GINS1: variants seen among roughly 807,000 people sequenced by gnomAD.
The protein encoded by GINS1 is GINS complex subunit 1.
Under a neutral mutation model 34.9 loss-of-function variants are expected in GINS1, and 26 were observed. The observed-to-expected ratio is 0.74, with a 90% CI of 0.55 to 1.03. GINS1 has a LOEUF of 1.03. GINS1 is among the 50% of genes least tolerant of loss of function. The pLI is 0.00. For missense variants in GINS1, 235 were observed against 237.9 expected (o/e 0.99, Z 0.08); for synonymous variants, 97 against 84.4 (o/e 1.15, Z -0.82).
chr20:25,427,790 C>CTT (rs1311505276), intron 5 of GINS1, among the ~76,000 whole-genome samples: 1 of 136,888 alleles, frequency 7.3e-6, no homozygotes, highest in Non-Finnish European at 1.6e-5. Flanking sequence ...TTGATAGTGT[C>CTT]TTTTTTTTTC....
chr20:25,419,105 G>A (rs1339980055), intron 4 of GINS1, among the ~76,000 whole-genome samples: 1 of 152,120 alleles, frequency 6.6e-6, no homozygotes, highest in Non-Finnish European at 1.5e-5. Flanking sequence ...AGGGAGAGAG[G>A]CCCACCAAAT....
chr20:25,428,535 C>G (rs976987816), intron 5 of GINS1, among the ~76,000 whole-genome samples: 4 of 150,814 alleles, frequency 2.7e-5, no homozygotes, highest in Admixed American at 6.7e-5. Context: ...TCCCGAGTAG[C>G]TGGGACCACA....
At chr20:25,431,732 G>A (rs774364283) in intron 5 of GINS1, among the ~76,000 whole-genome samples, 5 of 151,436 alleles carry the variant, frequency 3.3e-5, no homozygotes, top group African/African-American at 4.9e-5. Flanking sequence ...CACCACGCCC[G>A]GCTAATTTTT....
At chr20:25,428,321 A>AATT (rs2090404124) in intron 5 of GINS1, among the ~76,000 whole-genome samples, 1 of 148,806 alleles carries the variant, frequency 6.7e-6, no homozygotes, top group Non-Finnish European at 1.5e-5. Context: ...ATTTCAAGTT[A>AATT]ATTTTTGTAT....
chr20:25,410,461 T>C (rs1193395662), intron 1 of GINS1, among the ~76,000 whole-genome samples: 1 of 152,190 alleles, frequency 6.6e-6, no homozygotes, highest in East Asian at 1.9e-4. Flanking sequence ...TCCAGCAGCC[T>C]GGAACACTTA....
intron 5 of GINS1, among the ~76,000 whole-genome samples, chr20:25,435,286 A>G (rs2146216457): frequency 6.6e-6 from 1 of 152,220 alleles, no homozygotes; most frequent in South Asian, 2.1e-4. Flanking sequence ...TGACTTACTT[A>G]TCTTTTGCTG....
At chr20:25,437,599 A>G (rs1305888411) in intron 5 of GINS1, among the ~76,000 whole-genome samples, 1 of 152,134 alleles carries the variant, frequency 6.6e-6, no homozygotes, top group Admixed American at 6.5e-5. Flanking sequence ...GATGTTTCCT[A>G]CTCCACCATT....
Position 25,413,826 on chromosome 20 carries a change from G to C in GINS1, c.112G>C (p.Ala38Pro). The C allele has an allele frequency of 6.3e-7, 1 of 1,581,446 alleles. No individual in the cohort carries two copies. The change falls in exon 2 of 7, where the codon GCT becomes CCT. Residue 38 changes from alanine to proline, a missense_variant. Transcript: ENST00000262460. The part of the protein sequence containing the change: ...GLRQVLEEMK[A>P]LYEQNQSDVN... ...CAGACAAGTTCTGGAGGAGATGAAA[G>C]CTTTGTATGAACAAAACCAGTCTGA...
chr20:25,435,860 T>C (rs2090452331), intron 5 of GINS1, among the ~76,000 whole-genome samples: 1 of 142,842 alleles, frequency 7.0e-6, no homozygotes, highest in African/African-American at 2.6e-5. Context: ...TCACCCAGGC[T>C]GGAGTGCAGT....
intron 1 of GINS1, among the ~76,000 whole-genome samples, chr20:25,413,300 C>A (rs1421591552): frequency 6.6e-6 from 1 of 152,138 alleles, no homozygotes; most frequent in Non-Finnish European, 1.5e-5. Flanking sequence ...CCACCCGCCT[C>A]AGCCTTCCAA....
At position 25,448,269 on chromosome 20, in the gene GINS1, G is replaced by A. The variant is rs2090523812; in HGVS notation, c.*2278G>A. ...CATCTTAATAATATTGAGTCTTCTG[G>A]CCTATAAACAAGGTCTGTCTTCCTA... On this transcript the variant is annotated 3_prime_UTR_variant, in exon 7 of 7. Coordinates refer to ENST00000262460, the MANE Select transcript of GINS1 (RefSeq NM_021067.5). The A allele has an allele frequency of 6.6e-6, 1 of 152,162 alleles. No individual in the cohort carries two copies. The highest frequency in any genetic ancestry group is 2.1e-4 in the South Asian group (1 of 4,830). The allele number at this position is 152,162 out of a possible 1,614,324, so 9.4% of individuals were successfully genotyped here. A position where few individuals can be genotyped will look rare whatever the true frequency, so the allele number is the denominator to read the frequency against.
chr20:25,409,779 T>C (rs566493023), intron 1 of GINS1, among the ~76,000 whole-genome samples: 2 of 152,316 alleles, frequency 1.3e-5, no homozygotes, highest in East Asian at 3.9e-4. Flanking sequence ...GTTACCTCAT[T>C]TAAAAAGTTA....
intron 1 of GINS1, chr20:25,413,581 A>G (rs1245675417): frequency 1.8e-6 from 1 of 550,064 alleles, no homozygotes; most frequent in African/African-American, 1.9e-5. Context: ...ACAGGGCTAT[A>G]CCGTTTTACA....
At chr20:25,433,560 C>T (rs549196083) in intron 5 of GINS1, among the ~76,000 whole-genome samples, 1 of 152,120 alleles carries the variant, frequency 6.6e-6, no homozygotes, top group African/African-American at 2.4e-5. Flanking sequence ...AAAGTCTGTA[C>T]ATGTTCAGTA....
chr20:25,419,245 G>A (rs2090339573), intron 4 of GINS1, among the ~76,000 whole-genome samples: 1 of 151,856 alleles, frequency 6.6e-6, no homozygotes, highest in Non-Finnish European at 1.5e-5. Flanking sequence ...ATAGCACAGA[G>A]CTTAAGAAAG....
rs115803552 is a variant in GINS1, at chr20:25,436,400, T to A, written c.448-5302T>A. Among the ~76,000 whole-genome samples the A allele has an allele frequency of 6.5e-3, 992 of 152,332 alleles. 15 individuals carry two copies. The highest frequency in any genetic ancestry group is 0.023 in the African/African-American group (950 of 41,568). The stretch of plus-strand genomic sequence containing the variant: ...TCAAATTTAAGGAGTTTTCAGTTAC[T>A]ATTTCTTCAAAAATTCTCTCTGCCC... On this transcript the variant is annotated intron_variant, in intron 5 of 6. Coordinates refer to ENST00000262460, the MANE Select transcript of GINS1 (RefSeq NM_021067.5).
intron 1 of GINS1, among the ~76,000 whole-genome samples, chr20:25,409,182 A>T (rs536374310): frequency 6.6e-6 from 1 of 152,242 alleles, no homozygotes; most frequent in Non-Finnish European, 1.5e-5. Flanking sequence ...CTCACAGCCT[A>T]CATGAATTTG....
At chr20:25,412,645 C>T (rs570389734) in intron 1 of GINS1, among the ~76,000 whole-genome samples, 6 of 152,146 alleles carry the variant, frequency 3.9e-5, no homozygotes, top group South Asian at 2.1e-4. Context: ...TATCTTTGTT[C>T]GTCAATTTTA....
chr20:25,435,789 C>CAAAAAA (rs1491415398), intron 5 of GINS1, among the ~76,000 whole-genome samples: 13 of 67,390 alleles, frequency 1.9e-4, no homozygotes, highest in East Asian at 1.9e-3. Flanking sequence ...AAAAAAAAAA[C>CAAAAAA]CAACTTTTTG....
Sources: allele counts gnomAD v4.1 joint callset (sites outside exome capture counted in the v4.1 genomes callset), GRCh38; gene constraint gnomAD v4.1.1; transcripts MANE v1.5; gene names NCBI Gene and HGNC (gene_info 2026-07-23, HGNC 2026-07-21).